Variants in RANBP10 observed in about 807,000 individuals in gnomAD.
The protein encoded by RANBP10 is ran-binding protein 10.
A neutral mutation model predicts 72.8 loss-of-function variants in RANBP10; 24 were observed. The observed-to-expected ratio is 0.33, with a 90% confidence interval of 0.24 to 0.46. The LOEUF is 0.46. Among genes scored for constraint, RANBP10 ranks in the 20% least tolerant of loss-of-function variants. The pLI, the probability that RANBP10 is intolerant of heterozygous loss-of-function variation, is 1.00. For missense variants in RANBP10, 679 were observed against 817.5 expected (o/e 0.83, Z 2.07); for synonymous variants, 310 against 322.3 (o/e 0.96, Z 0.41).
intron 3 of RANBP10, among the ~76,000 whole-genome samples, chr16:67,747,117 C>T (rs1398287743): frequency 6.6e-6 from 1 of 152,164 alleles, no homozygotes; most frequent in Non-Finnish European, 1.5e-5. Flanking sequence ...AACTGTTTTC[C>T]AAAGTGGCTG....
intron 2 of RANBP10, among the ~76,000 whole-genome samples, chr16:67,785,165 T>C (rs2143016416): frequency 6.6e-6 from 1 of 151,570 alleles, no homozygotes; most frequent in African/African-American, 2.4e-5. Context: ...TGAGCCGAGA[T>C]CGTGCCACTG....
At chr16:67,787,203 C>A (rs1001990630) in intron 2 of RANBP10, among the ~76,000 whole-genome samples, 4 of 152,148 alleles carry the variant, frequency 2.6e-5, no homozygotes, top group African/African-American at 4.8e-5. Context: ...AGCGCCAGTG[C>A]ACTCTAGCCT....
In RANBP10 at chr16:67,730,032, C is replaced by A. The variant is rs1487305917; in HGVS notation, c.904G>T (p.Val302Leu). The stretch of plus-strand genomic sequence containing the variant: ...GCCTCGCCCACACGGCCCTCCAGCA[C>A]CAGCTTCTGGATCTCTGCAGGGTGC... ...IKNRQKIQKLVLEGRVGEAIE... is the reference protein window; with the variant it reads ...IKNRQKIQKLLLEGRVGEAIE... The change falls in exon 8 of 14, where the codon GTG becomes TTG. Residue 302 changes from valine (V) to leucine (L), a missense_variant. Transcript: ENST00000317506. The surrounding 1 kb of genome is among the most constrained non-coding windows in gnomAD (Gnocchi z 4.3). 6 of 1,612,578 alleles carry A rather than the reference C, an allele frequency of 3.7e-6. No individual in the cohort carries two copies. The highest frequency in any genetic ancestry group is 5.1e-6 in the Non-Finnish European group (6 of 1,180,004).
At position 67,728,525 on chromosome 16, in the gene RANBP10, T is replaced by C. The variant is rs2053655503; in HGVS notation, c.1353-14A>G. On this transcript the variant is annotated splice_polypyrimidine_tract_variant and intron_variant, in intron 10 of 13. Coordinates refer to ENST00000317506, the MANE Select transcript of RANBP10 (RefSeq NM_020850.3). Reference sequence around the variant, plus strand: ...ATCTCACTGTCGCTGTGGGGAGGGGTTGAGGTGGGAGTTGGCCCAGGGGGT... The same window carrying C: ...ATCTCACTGTCGCTGTGGGGAGGGGCTGAGGTGGGAGTTGGCCCAGGGGGT... 4 of 1,613,224 alleles carry C rather than the reference T, an allele frequency of 2.5e-6. No homozygotes were observed. The highest frequency in any genetic ancestry group is 2.2e-5 in the East Asian group (1 of 44,832).
At chr16:67,765,450 C>G (rs1245021302) in intron 3 of RANBP10, among the ~76,000 whole-genome samples, 1 of 151,956 alleles carries the variant, frequency 6.6e-6, no homozygotes, top group Non-Finnish European at 1.5e-5. Context: ...CGCTTGAACC[C>G]GGGAGGCGAA....
intron 3 of RANBP10, among the ~76,000 whole-genome samples, chr16:67,754,079 G>A (rs931859783): frequency 2.0e-5 from 3 of 150,316 alleles, no homozygotes; most frequent in African/African-American, 7.4e-5. Flanking sequence ...CTTGCAGTGA[G>A]CAGAGATCGC....
Position 67,737,997 on chromosome 16 carries a change from CAAT to C in RANBP10, c.591+13_591+15del. 6.3e-7 allele frequency: 1 copy of C among 1,583,792 alleles called. No homozygotes were observed. Reference sequence around the variant, plus strand: ...CCCAGAAACCCAGGAGGGGAAGACTCAATAGTAGTACTCACCGGGAGGTCTGTG... The same window carrying C: ...CCCAGAAACCCAGGAGGGGAAGACTCAGTAGTACTCACCGGGAGGTCTGTG... On this transcript the variant is annotated intron_variant, in intron 5 of 13. Coordinates refer to ENST00000317506, the MANE Select transcript of RANBP10 (RefSeq NM_020850.3).
intron 2 of RANBP10, among the ~76,000 whole-genome samples, chr16:67,776,355 G>C (rs780640749): frequency 6.6e-6 from 1 of 150,398 alleles, no homozygotes; most frequent in Non-Finnish European, 1.5e-5. Flanking sequence ...CCAGCTACTT[G>C]GGAGGGTGAG....
chr16:67,794,943 A>C (rs962355621), intron 2 of RANBP10, among the ~76,000 whole-genome samples: 67 of 148,976 alleles, frequency 4.5e-4, no homozygotes, highest in Middle Eastern at 3.5e-3. Flanking sequence ...AAAAAAAAAA[A>C]AACAAAAAAA....
Position 67,726,526 on chromosome 16 carries a change from T to C in RANBP10, c.1765A>G (p.Met589Val). Residue 589 changes from methionine (M) to valine (V), a missense_variant, in exon 14 of 14, where the codon ATG becomes GTG. Physicochemically the swap from Met to Val is conservative, Grantham distance 21. Coordinates refer to ENST00000317506, the MANE Select transcript of RANBP10 (RefSeq NM_020850.3). ...TCAGATGCCTGGCCCAGGGCGAGCA[T>C]CAGAGGGGGCTGCTTTGGCAGGTTC... Reference protein sequence around the residue: ...SQNLPKQPPLMLALGQASECL... With the variant: ...SQNLPKQPPLVLALGQASECL... 6.4e-7 allele frequency: 1 copy of C among 1,570,454 alleles called. No homozygotes were observed. The highest frequency in any genetic ancestry group is 8.6e-7 in the Non-Finnish European group (1 of 1,157,504).
rs2055054022 is a variant in RANBP10 at position 67,792,835 on chromosome 16, C to G, written c.347+12593G>C. Reference sequence around the variant, plus strand: ...AGCAAAGGGGCCTCAAGTTAGGGTGCTCGTATGGAGAAATGTGGTTCTGTG... The same window carrying G: ...AGCAAAGGGGCCTCAAGTTAGGGTGGTCGTATGGAGAAATGTGGTTCTGTG... On this transcript the variant is annotated intron_variant, in intron 2 of 13. Coordinates refer to ENST00000317506, the MANE Select transcript of RANBP10 (RefSeq NM_020850.3). Among the ~76,000 whole-genome samples, 3 of 151,528 alleles carry G rather than the reference C, an allele frequency of 2.0e-5. No homozygotes were observed. In the South Asian group the frequency reaches 6.3e-4, roughly 32 times the overall value.
At chr16:67,745,656 C>T (rs1186170552) in intron 3 of RANBP10, among the ~76,000 whole-genome samples, 1 of 151,976 alleles carries the variant, frequency 6.6e-6, no homozygotes, top group Non-Finnish European at 1.5e-5. Context: ...TTAAACTGTA[C>T]ACTTCAAATG....
chr16:67,797,767 C>T (rs2143021043), intron 2 of RANBP10, among the ~76,000 whole-genome samples: 1 of 152,128 alleles, frequency 6.6e-6, no homozygotes, highest in South Asian at 2.1e-4. Flanking sequence ...GCCGAGATCA[C>T]TCCACTGGAC....
intron 3 of RANBP10, among the ~76,000 whole-genome samples, chr16:67,770,777 C>T (rs1030068257): frequency 3.3e-5 from 5 of 152,054 alleles, no homozygotes; most frequent in African/African-American, 1.2e-4. Context: ...TGTGGTAGCA[C>T]ATGCCTATAA....
intron 3 of RANBP10, among the ~76,000 whole-genome samples, chr16:67,756,252 C>T (rs1333430992): frequency 6.6e-6 from 1 of 152,248 alleles, no homozygotes; most frequent in Non-Finnish European, 1.5e-5. Flanking sequence ...GATCCAAGGC[C>T]TCAGTCCCAG....
Position 67,725,450 on chromosome 16 carries a change from C to T in RANBP10, c.*978G>A, listed in dbSNP as rs963298353. ...GCCTGACACACAGAAGCTCTCAGGA[C>T]GAAGGCAGGTAGTTTCCAGGCAATC... On this transcript the variant is annotated 3_prime_UTR_variant, in exon 14 of 14. Coordinates refer to ENST00000317506, the MANE Select transcript of RANBP10 (RefSeq NM_020850.3). 1 of 152,552 alleles carries T rather than the reference C, an allele frequency of 6.6e-6. No individual in the cohort carries two copies. Among genetic ancestry groups the T allele is most frequent in the African/African-American group, 2.4e-5 (1 of 41,420 alleles). The allele number at this position is 152,552 out of a possible 1,614,324, so 9.4% of individuals were successfully genotyped here.
chr16:67,787,991 A>G (rs749457005), intron 2 of RANBP10, among the ~76,000 whole-genome samples: 7 of 152,130 alleles, frequency 4.6e-5, no homozygotes, highest in Non-Finnish European at 8.8e-5. Flanking sequence ...GGCACATGCC[A>G]ACACACTCAG....
At chr16:67,774,786 G>C (rs2054670114) in intron 2 of RANBP10, among the ~76,000 whole-genome samples, 1 of 152,092 alleles carries the variant, frequency 6.6e-6, no homozygotes, top group Non-Finnish European at 1.5e-5. Context: ...CCAAAAGCAT[G>C]GTGTTTTAAA....
intron 5 of RANBP10, among the ~76,000 whole-genome samples, chr16:67,736,223 G>A (rs1271965147): frequency 1.3e-5 from 2 of 151,852 alleles, no homozygotes; most frequent in Non-Finnish European, 2.9e-5. Flanking sequence ...GTGCAATGGC[G>A]CGATTTCAGC....
Sources: allele counts gnomAD v4.1 joint callset (sites outside exome capture counted in the v4.1 genomes callset), GRCh38; gene constraint gnomAD v4.1.1; non-coding constraint Gnocchi (gnomAD v3.1); transcripts MANE v1.5; gene names NCBI Gene and HGNC (gene_info 2026-07-23, HGNC 2026-07-21).